Variants in PITPNM3 observed in about 807,000 individuals in gnomAD.
PITPNM3 encodes the protein membrane-associated phosphatidylinositol transfer protein 3.
In PITPNM3, 26 loss-of-function variants were observed where a neutral mutation model predicts 102.0. The observed-to-expected ratio is 0.25, with a 90% CI of 0.19 to 0.35. PITPNM3 has a LOEUF of 0.35. Ranked by LOEUF, PITPNM3 falls within the 10% of genes least tolerant of loss-of-function variation. The pLI, the probability that PITPNM3 is intolerant of heterozygous loss-of-function variation, is 1.00. For missense variants in PITPNM3, 1,083 were observed against 1,346.1 expected (o/e 0.80, Z 3.06); for synonymous variants, 578 against 558.6 (o/e 1.03, Z -0.49).
intron 2 of PITPNM3, among the ~76,000 whole-genome samples, chr17:6,527,919 C>T (rs1037927930): frequency 6.6e-6 from 1 of 152,232 alleles, no homozygotes; most frequent in Admixed American, 6.5e-5. Context: ...TCTCCCAGGG[C>T]TCTGGAGGTC....
chr17:6,491,413 G>A (rs955569308), intron 4 of PITPNM3, among the ~76,000 whole-genome samples: 2 of 152,194 alleles, frequency 1.3e-5, no homozygotes, highest in Non-Finnish European at 2.9e-5. Context: ...ATGGAACAGC[G>A]TGAAGCTGTT....
intron 16 of PITPNM3, 136 bp downstream of exon 16, chr17:6,464,034 T>C: frequency 1.3e-6 from 2 of 1,544,094 alleles, no homozygotes; most frequent in Non-Finnish European, 1.8e-6. Flanking sequence ...TGGTGACCTC[T>C]CCCATCCACC....
rs777876563 is a variant in PITPNM3, at chr17:6,556,370, C to G, written c.22+15G>C. Reference sequence around the variant, plus strand: ...CCCCGGGCCCCGGCCCTGCCCTCCCCGCGCCCGCCCTCACCTGCACGGCCC... The same window carrying G: ...CCCCGGGCCCCGGCCCTGCCCTCCCGGCGCCCGCCCTCACCTGCACGGCCC... On this transcript the variant is annotated intron_variant, in intron 1 of 19. Coordinates refer to ENST00000262483, the MANE Select transcript of PITPNM3 (RefSeq NM_031220.4). This position sits in a 1 kb window ranked among gnomAD's most constrained non-coding sequence, Gnocchi z 5.2. 3,726 of 1,398,500 alleles carry G rather than the reference C, an allele frequency of 2.7e-3. 6 individuals are homozygous for G. Among genetic ancestry groups the G allele is most frequent in the Non-Finnish European group, 3.2e-3 (3,429 of 1,074,082 alleles). The allele number at this position is 1,398,500 out of a possible 1,614,324, so 86.6% of individuals were successfully genotyped here.
chr17:6,536,611 T>C (rs1010246919), intron 2 of PITPNM3, among the ~76,000 whole-genome samples: 6 of 152,086 alleles, frequency 3.9e-5, no homozygotes, highest in Non-Finnish European at 7.4e-5. Context: ...CTGAGTCTTC[T>C]CCACTGTTGG....
chr17:6,485,853 G>A (rs1426228928), intron 4 of PITPNM3, among the ~76,000 whole-genome samples: 6 of 152,188 alleles, frequency 3.9e-5, no homozygotes. Flanking sequence ...GCCTGTTTTT[G>A]TAAATAAAGT....
Position 6,472,482 on chromosome 17 carries a change from C to G in PITPNM3, c.1429+175G>C, listed in dbSNP as rs1006714414. ...CCTCTGAGCCCCAAGATGCCTCAGACAAGCAGGTGCTTAGCACAGGTGGGC... is the reference window on the plus strand; with the variant it reads ...CCTCTGAGCCCCAAGATGCCTCAGAGAAGCAGGTGCTTAGCACAGGTGGGC... On this transcript the variant is annotated intron_variant, in intron 11 of 19. Coordinates refer to ENST00000262483, the MANE Select transcript of PITPNM3 (RefSeq NM_031220.4). The surrounding 1 kb of genome is among the most constrained non-coding windows in gnomAD (Gnocchi z 4.1). Among the ~76,000 whole-genome samples the G allele has an allele frequency of 6.6e-6, 1 of 152,242 alleles. No homozygotes were observed. The highest frequency in any genetic ancestry group is 1.5e-5 in the Non-Finnish European group (1 of 68,046).
In PITPNM3 at chr17:6,538,043, C is replaced by T. The variant is rs200809389; in HGVS notation, c.62G>A (p.Arg21Gln). ...PPGGGAPWHL[R>Q]NVLSDSVESS... ...CTCCACAGAGTCACTGAGGACATTT[C>T]GAAGGTGCCAGGGGGCACCGCCGCC... Residue 21 changes from arginine to glutamine, a missense_variant, in exon 2 of 20, where the codon CGA (arginine) becomes CAA (glutamine). Arg to Gln is a conservative substitution (Grantham distance 43). Around this residue, in one of 5 missense-constraint regions of PITPNM3, gnomAD observed 290 missense variants for 337.8 expected, o/e 0.86. Coordinates refer to ENST00000262483, the MANE Select transcript of PITPNM3 (RefSeq NM_031220.4). 1.3e-4 allele frequency: 216 copies of T among 1,613,930 alleles called. 1 individual carries two copies. The South Asian group carries it at 1.4e-3, about 11-fold the overall frequency.
At chr17:6,505,421 G>T (rs1464648515) in intron 3 of PITPNM3, among the ~76,000 whole-genome samples, 1 of 152,068 alleles carries the variant, frequency 6.6e-6, no homozygotes, top group African/African-American at 2.4e-5. Flanking sequence ...CTAGACCTAG[G>T]GGCCGTGACA....
intron 2 of PITPNM3, among the ~76,000 whole-genome samples, chr17:6,536,340 C>T (rs998096849): frequency 2.0e-5 from 3 of 152,218 alleles, no homozygotes; most frequent in African/African-American, 4.8e-5. Flanking sequence ...CAGCTGGGAA[C>T]GCAGAGCCCT....
At chr17:6,474,376 C>T (rs1307608095) in intron 10 of PITPNM3, 56 bp downstream of exon 10, 3 of 1,575,478 alleles carry the variant, frequency 1.9e-6, no homozygotes, top group African/African-American at 2.7e-5. Flanking sequence ...GAGGCCCTGA[C>T]ACGGTGGCCC....
At position 6,455,481 on chromosome 17, in the gene PITPNM3, A is replaced by T; in HGVS notation, c.2782T>A (p.Ser928Thr). 1 of 1,605,710 alleles carries T rather than the reference A, an allele frequency of 6.2e-7. No individual in the cohort carries two copies. Among genetic ancestry groups the T allele is most frequent in the Non-Finnish European group, 8.5e-7 (1 of 1,179,556 alleles). Residue 928 changes from serine to threonine, a missense_variant, in exon 20 of 20, where the codon TCA becomes ACA. Physicochemically the swap from Ser to Thr is moderately conservative, Grantham distance 58. Coordinates refer to ENST00000262483, the MANE Select transcript of PITPNM3 (RefSeq NM_031220.4). ...RKRNHLRRTMSVQQPDPPAAN... is the reference protein window; with the variant it reads ...RKRNHLRRTMTVQQPDPPAAN... ...GCGGGCGGGTCGGGCTGCTGCACTGACATGGTTCTGCGCAGGTGGTTGCGC... is the reference window on the plus strand; with the variant it reads ...GCGGGCGGGTCGGGCTGCTGCACTGTCATGGTTCTGCGCAGGTGGTTGCGC...
chr17:6,550,214 T>C (rs1337200362), intron 1 of PITPNM3, among the ~76,000 whole-genome samples: 1 of 152,248 alleles, frequency 6.6e-6, no homozygotes, highest in African/African-American at 2.4e-5. Flanking sequence ...ACTCCAACAG[T>C]AGAAGAGACA....
chr17:6,521,708 C>T (rs1478618727), intron 3 of PITPNM3, among the ~76,000 whole-genome samples: 1 of 151,630 alleles, frequency 6.6e-6, no homozygotes, highest in East Asian at 1.9e-4. Context: ...ATACACAGTG[C>T]CAGAAACAAA....
rs1285167084 is a variant in PITPNM3 at position 6,517,271 on chromosome 17, T to C, written c.226+8085A>G. Among the ~76,000 whole-genome samples, 2 of 152,148 alleles carry C rather than the reference T, an allele frequency of 1.3e-5. No individual in the cohort carries two copies. The highest frequency in any genetic ancestry group is 1.5e-5 in the Non-Finnish European group (1 of 68,032). Reference sequence around the variant, plus strand: ...ACTGAATATAAATCATAGCTCAAAATACTTAACCCAAATAGAATGAGAAGG... The same window carrying C: ...ACTGAATATAAATCATAGCTCAAAACACTTAACCCAAATAGAATGAGAAGG... On this transcript the variant is annotated intron_variant, in intron 3 of 19. Coordinates refer to ENST00000262483, the MANE Select transcript of PITPNM3 (RefSeq NM_031220.4). This position sits in a 1 kb window ranked among gnomAD's most constrained non-coding sequence, Gnocchi z 4.1.
intron 2 of PITPNM3, among the ~76,000 whole-genome samples, chr17:6,532,198 G>A (rs571154464): frequency 1.3e-5 from 2 of 151,550 alleles, no homozygotes; most frequent in African/African-American, 2.4e-5. Flanking sequence ...CCCTGGATTC[G>A]CAGGTGGCTC....
At chr17:6,463,375 C>T (rs1313097332) in intron 17 of PITPNM3, among the ~76,000 whole-genome samples, 1 of 147,178 alleles carries the variant, frequency 6.8e-6, no homozygotes, top group Admixed American at 6.8e-5. Context: ...ACAGCCCAGC[C>T]ACAGGGGGCC....
At chr17:6,462,082 C>A (rs1320519291) in intron 17 of PITPNM3, among the ~76,000 whole-genome samples, 1 of 152,174 alleles carries the variant, frequency 6.6e-6, no homozygotes, top group Admixed American at 6.5e-5. Context: ...GATTACTCAA[C>A]CCTCCCCAAC....
intron 3 of PITPNM3, among the ~76,000 whole-genome samples, chr17:6,505,193 A>ATATATATATATATATATATATAT (rs1198801942): frequency 2.5e-4 from 18 of 72,300 alleles, no homozygotes; most frequent in African/African-American, 8.1e-4. Context: ...GAAGACAAAT[A>ATATATATATATATATATATATAT]AAATATATAT....
At chr17:6,542,639 C>G (rs544691760) in intron 1 of PITPNM3, among the ~76,000 whole-genome samples, 39 of 152,158 alleles carry the variant, frequency 2.6e-4, no homozygotes, top group Non-Finnish European at 4.7e-4. Context: ...TAATACTTAC[C>G]CCACTGTTAG....
Sources: allele counts gnomAD v4.1 joint callset (sites outside exome capture counted in the v4.1 genomes callset), GRCh38; gene constraint gnomAD v4.1.1; regional missense constraint gnomAD v4.1.1; non-coding constraint Gnocchi (gnomAD v3.1); transcripts MANE v1.5; gene names NCBI Gene and HGNC (gene_info 2026-07-23, HGNC 2026-07-21).